The following KCNMA1 variants were observed in gnomAD, a reference collection of about 807,000 sequenced individuals.
The protein encoded by KCNMA1 is Calcium-activated potassium channel subunit alpha-1.
In KCNMA1, 29 loss-of-function variants were observed where a neutral mutation model predicts 140.0. The ratio of observed to expected loss-of-function variants is 0.21; its 90% confidence interval spans 0.15 to 0.28. The LOEUF is 0.28. KCNMA1 is among the 10% of genes least tolerant of loss of function. The pLI, the probability that KCNMA1 is intolerant of heterozygous loss-of-function variation, is 1.00. For missense variants in KCNMA1, 880 were observed against 1,602.2 expected (o/e 0.55, Z 7.70); for synonymous variants, 612 against 611.9 (o/e 1.00, Z 0.00).
chr10:77,048,340 T>C (rs2095203109), intron 14 of KCNMA1, among the ~76,000 whole-genome samples: 1 of 152,206 alleles, frequency 6.6e-6, no homozygotes, highest in Non-Finnish European at 1.5e-5. Flanking sequence ...ACACTTGGAA[T>C]TGTGCTGGTC....
intron 1 of KCNMA1, among the ~76,000 whole-genome samples, chr10:77,409,235 T>G (rs1164647168): frequency 6.6e-6 from 1 of 152,184 alleles, no homozygotes; most frequent in Non-Finnish European, 1.5e-5. Context: ...TCTGATGCGT[T>G]TGGGCATTTC....
intron 18 of KCNMA1, chr10:77,008,077 C>G: frequency 8.6e-7 from 1 of 1,158,674 alleles, no homozygotes. Flanking sequence ...ACATAAATAC[C>G]AAAAGTAAAA....
chr10:77,240,275 T>C (rs914507032), intron 3 of KCNMA1, among the ~76,000 whole-genome samples: 3 of 152,208 alleles, frequency 2.0e-5, no homozygotes, highest in African/African-American at 7.2e-5. Context: ...GAGTTAGTGA[T>C]ATGTAGCTCT....
intron 7 of KCNMA1, among the ~76,000 whole-genome samples, chr10:77,110,942 A>ATC (rs2097306250): frequency 6.6e-6 from 1 of 152,224 alleles, no homozygotes; most frequent in East Asian, 1.9e-4. Flanking sequence ...GGCTGCTGGA[A>ATC]TCTTCACAGG....
At chr10:77,264,140 G>A (rs957691663) in intron 2 of KCNMA1, among the ~76,000 whole-genome samples, 2 of 152,100 alleles carry the variant, frequency 1.3e-5, no homozygotes, top group East Asian at 1.9e-4. Context: ...GTGTATTCGC[G>A]CAAGTTTCGA....
At chr10:77,296,001 C>T (rs1407963479) in intron 2 of KCNMA1, among the ~76,000 whole-genome samples, 2 of 151,632 alleles carry the variant, frequency 1.3e-5, no homozygotes, top group African/African-American at 2.4e-5. Flanking sequence ...GTAAATAAAC[C>T]GAGAAATCAC....
At chr10:77,581,468 T>C (rs1301353133) in intron 1 of KCNMA1, among the ~76,000 whole-genome samples, 1 of 151,950 alleles carries the variant, frequency 6.6e-6, no homozygotes, top group Admixed American at 6.6e-5. Context: ...ACCACGCCTG[T>C]TTAATTTTTT....
In KCNMA1 at chr10:77,000,875, T is replaced by TATATATAG. The variant is rs2086121570; in HGVS notation, c.2266+531_2266+532insCTATATAT. On this transcript the variant is annotated intron_variant, in intron 19 of 27. Coordinates refer to ENST00000286628, the MANE Select transcript of KCNMA1 (RefSeq NM_001161352.2). ...AAAAGAAAATATATATATATATATATATATATATATATATATATATATATA... is the reference window on the plus strand; with the variant it reads ...AAAAGAAAATATATATATATATATATATATATAGATATATATATATATATATATATATA... Among the ~76,000 whole-genome samples the TATATATAG allele has an allele frequency of 1.3e-4, 11 of 85,800 alleles. No homozygotes were observed. The South Asian group carries it at 3.8e-3, about 30-fold the overall frequency. 56.3% of individuals were successfully genotyped at this position (85,800 alleles called of 152,430 possible). A position where few individuals can be genotyped will look rare whatever the true frequency, so the allele number is the denominator to read the frequency against.
At chr10:77,534,727 C>T (rs1311038506) in intron 1 of KCNMA1, among the ~76,000 whole-genome samples, 2 of 152,118 alleles carry the variant, frequency 1.3e-5, no homozygotes, top group Non-Finnish European at 1.5e-5. Flanking sequence ...TAATAATTTA[C>T]TCTACATTTC....
chr10:76,879,140 A>T (rs2033464542), intron 29 of KCNMA1, among the ~76,000 whole-genome samples: 1 of 152,064 alleles, frequency 6.6e-6, no homozygotes. Context: ...TGATTTATAA[A>T]TTATCTATGA....
At chr10:77,030,289 A>T (rs546542233) in intron 15 of KCNMA1, among the ~76,000 whole-genome samples, 1 of 152,328 alleles carries the variant, frequency 6.6e-6, no homozygotes, top group South Asian at 2.1e-4. Flanking sequence ...GGAAAATGCC[A>T]TCCTTAATTT....
rs552271898 is a variant in KCNMA1 at position 76,910,248 on chromosome 10, G to T, written c.3017-152C>A. The stretch of plus-strand genomic sequence containing the variant: ...CTGTAGATGGATCTTTGGGTAAGGG[G>T]GGCAGTGGGACTCAATGGACTGTTC... On this transcript the variant is annotated intron_variant, in intron 24 of 27. Coordinates refer to ENST00000286628, the MANE Select transcript of KCNMA1 (RefSeq NM_001161352.2). 8 of 789,622 alleles carry T rather than the reference G, an allele frequency of 1.0e-5. No individual in the cohort carries two copies. In the African/African-American group the frequency reaches 1.0e-4, roughly 10 times the overall value. The allele number at this position is 789,622 out of a possible 1,614,324, so 48.9% of individuals were successfully genotyped here.
chr10:77,531,264 C>T (rs1238921861), intron 1 of KCNMA1, among the ~76,000 whole-genome samples: 1 of 152,190 alleles, frequency 6.6e-6, no homozygotes, highest in Non-Finnish European at 1.5e-5. Flanking sequence ...ATGCCAATGA[C>T]CTTTATCACC....
intron 19 of KCNMA1, among the ~76,000 whole-genome samples, chr10:76,986,116 G>A (rs1249382221): frequency 6.6e-6 from 1 of 152,126 alleles, no homozygotes; most frequent in Non-Finnish European, 1.5e-5. Flanking sequence ...GAAGGCAGTG[G>A]AGTTCTTGGA....
intron 20 of KCNMA1, among the ~76,000 whole-genome samples, chr10:76,961,571 G>A (rs1269610687): frequency 1.3e-5 from 2 of 152,212 alleles, no homozygotes; most frequent in Non-Finnish European, 2.9e-5. Flanking sequence ...TGGGTAAAAT[G>A]CTATCCAACA....
At chr10:76,929,907 AT>A (rs1374103742) in intron 23 of KCNMA1, 2 of 84,780 alleles carry the variant, frequency 2.4e-5, no homozygotes, top group Non-Finnish European at 4.3e-5. Flanking sequence ...TCAATGAATA[AT>A]GATGTTCAGA....
At chr10:77,477,649 T>A (rs1401448617) in intron 1 of KCNMA1, among the ~76,000 whole-genome samples, 1 of 152,222 alleles carries the variant, frequency 6.6e-6, no homozygotes, top group Non-Finnish European at 1.5e-5. Flanking sequence ...TTGTTACTTG[T>A]GACCTAGGAA....
intron 2 of KCNMA1, among the ~76,000 whole-genome samples, chr10:77,339,096 T>C (rs369358370): frequency 5.3e-4 from 81 of 151,858 alleles, no homozygotes; most frequent in African/African-American, 1.9e-3. Context: ...ATACAGTGTA[T>C]CTGTGGTATT....
At chr10:77,144,551 C>T (rs1180049586) in intron 5 of KCNMA1, among the ~76,000 whole-genome samples, 4 of 152,206 alleles carry the variant, frequency 2.6e-5, no homozygotes, top group Admixed American at 6.5e-5. Context: ...TCACTGAATG[C>T]ACCCTCAGGA....
Sources: allele counts gnomAD v4.1 joint callset (sites outside exome capture counted in the v4.1 genomes callset), GRCh38; gene constraint gnomAD v4.1.1; transcripts MANE v1.5; gene names NCBI Gene and HGNC (gene_info 2026-07-23, HGNC 2026-07-21).